PPM1D: variants seen among roughly 807,000 people sequenced by gnomAD.
PPM1D encodes the protein protein phosphatase, Mg2+/Mn2+ dependent 1D.
In PPM1D, 52 loss-of-function variants were observed where a neutral mutation model predicts 58.3. That is an observed-to-expected ratio of 0.89 (90% CI 0.71 to 1.12). PPM1D has a LOEUF of 1.12. Among genes scored for constraint, PPM1D ranks in the 50% most tolerant of loss-of-function variants. The pLI, the probability that PPM1D is intolerant of heterozygous loss-of-function variation, is 0.00. For missense variants in PPM1D, 564 were observed against 777.2 expected (o/e 0.73, Z 3.26); for synonymous variants, 278 against 285.1 (o/e 0.98, Z 0.25).
chr17:60,653,508 T>G (rs2031381792), intron 4 of PPM1D, among the ~76,000 whole-genome samples: 1 of 152,224 alleles, frequency 6.6e-6, no homozygotes, highest in African/African-American at 2.4e-5. Flanking sequence ...TAGAATTGCT[T>G]TGGCTATTCA....
chr17:60,620,642 T>C (rs1446334352), intron 1 of PPM1D, among the ~76,000 whole-genome samples: 9 of 152,030 alleles, frequency 5.9e-5, no homozygotes, highest in Non-Finnish European at 1.5e-5. Context: ...CCTCCTGAGC[T>C]GGGATTACAG....
chr17:60,647,490 A>G (rs1356461201), intron 3 of PPM1D, among the ~76,000 whole-genome samples: 1 of 152,152 alleles, frequency 6.6e-6, no homozygotes, highest in East Asian at 1.9e-4. Context: ...TATAAATGAA[A>G]TTATCTGCAA....
At chr17:60,650,752 G>A (rs1385357185) in intron 4 of PPM1D, among the ~76,000 whole-genome samples, 2 of 152,066 alleles carry the variant, frequency 1.3e-5, no homozygotes, top group African/African-American at 4.8e-5. Flanking sequence ...TTGAGTTGAG[G>A]TACCTGTGGT....
At chr17:60,657,496 T>C (rs1799850303) in intron 5 of PPM1D, among the ~76,000 whole-genome samples, 1 of 152,208 alleles carries the variant, frequency 6.6e-6, no homozygotes, top group South Asian at 2.1e-4. Flanking sequence ...ATACATAGCA[T>C]GGCTAACCTG....
Position 60,648,073 on chromosome 17 carries a change from A to G in PPM1D, c.1008A>G (p.Lys336=). 6.2e-7 allele frequency: 1 copy of G among 1,607,838 alleles called. No homozygotes were observed. Among genetic ancestry groups the G allele is most frequent in the Non-Finnish European group, 8.5e-7 (1 of 1,177,962 alleles). The stretch of plus-strand genomic sequence containing the variant: ...TGTGCCAGGACCAAGAGGAGAAAAA[A>G]TACCTGATGGTGAGATGTGATTGAA... The part of the protein sequence containing the change: ...ISMCQDQEEK[K]YLMGEHGQSC... The change falls in exon 4 of 6, where the codon AAA becomes AAG. Residue 336 remains lysine (K), a synonymous_variant. Coordinates refer to ENST00000305921, the MANE Select transcript of PPM1D (RefSeq NM_003620.4).
intron 1 of PPM1D, among the ~76,000 whole-genome samples, chr17:60,609,162 C>T (rs1176575979): frequency 6.6e-6 from 1 of 151,076 alleles, no homozygotes; most frequent in African/African-American, 2.4e-5. Flanking sequence ...GGCGTGATCT[C>T]GGCTCACCGC....
At chr17:60,625,137 A>G (rs1347623157) in intron 2 of PPM1D, among the ~76,000 whole-genome samples, 1 of 152,076 alleles carries the variant, frequency 6.6e-6, no homozygotes. Context: ...GCGAGACTCC[A>G]TCTCTTAAAA....
At chr17:60,632,516 A>G (rs1160269224) in intron 2 of PPM1D, among the ~76,000 whole-genome samples, 3 of 151,372 alleles carry the variant, frequency 2.0e-5, no homozygotes, top group East Asian at 2.0e-4. Flanking sequence ...GCAGTGAACC[A>G]TGAGTGCACC....
intron 1 of PPM1D, among the ~76,000 whole-genome samples, chr17:60,605,086 G>A (rs2030302368): frequency 6.6e-6 from 1 of 152,026 alleles, no homozygotes; most frequent in African/African-American, 2.4e-5. Flanking sequence ...CCTCCCACAG[G>A]CATGAGCCAC....
At chr17:60,626,149 T>G (rs1394657576) in intron 2 of PPM1D, among the ~76,000 whole-genome samples, 1 of 152,244 alleles carries the variant, frequency 6.6e-6, no homozygotes, top group Non-Finnish European at 1.5e-5. Context: ...ATGAAAAATC[T>G]GCACATATGT....
chr17:60,639,687 C>T (rs1238318563), intron 3 of PPM1D, among the ~76,000 whole-genome samples: 1 of 152,200 alleles, frequency 6.6e-6, no homozygotes, highest in Admixed American at 6.5e-5. Context: ...ATCCGCCTGC[C>T]TCGGGTTCCC....
intron 2 of PPM1D, among the ~76,000 whole-genome samples, chr17:60,626,630 A>G (rs1056877187): frequency 1.5e-4 from 23 of 151,974 alleles, no homozygotes; most frequent in African/African-American, 5.3e-4. Context: ...TCCTGACCTC[A>G]TGATCCACCC....
intron 1 of PPM1D, among the ~76,000 whole-genome samples, chr17:60,611,699 G>A (rs373410742): frequency 1.3e-5 from 2 of 152,186 alleles, no homozygotes; most frequent in Non-Finnish European, 2.9e-5. Flanking sequence ...GATTGTAGGT[G>A]TGAGCTGCCA....
chr17:60,663,665 T>C lies in PPM1D; in HGVS notation c.*113T>C, dbSNP rs2031572916. 1 of 1,177,316 alleles carries C rather than the reference T, an allele frequency of 8.5e-7. No homozygotes were observed. The highest frequency in any genetic ancestry group is 1.2e-6 in the Non-Finnish European group (1 of 860,966). The allele number at this position is 1,177,316 out of a possible 1,614,324, so 72.9% of individuals were successfully genotyped here. ...GAGAAAATTAAAAGAAATATACAGT[T>C]TGACTTTTTGGAATTCAGCAGTTTT... On this transcript the variant is annotated 3_prime_UTR_variant, in exon 6 of 6. Transcript: ENST00000305921.
At chr17:60,630,299 G>GT (rs2030894846) in intron 2 of PPM1D, among the ~76,000 whole-genome samples, 1 of 151,680 alleles carries the variant, frequency 6.6e-6, no homozygotes, top group Non-Finnish European at 1.5e-5. Context: ...TTTCTTGTTT[G>GT]TTTTTTTACT....
At chr17:60,645,221 G>A (rs1343431170) in intron 3 of PPM1D, among the ~76,000 whole-genome samples, 1 of 152,022 alleles carries the variant, frequency 6.6e-6, no homozygotes, top group East Asian at 1.9e-4. Flanking sequence ...AGATGTGGTG[G>A]CGGGCACCTG....
At chr17:60,616,415 C>T (rs1290173087) in intron 1 of PPM1D, among the ~76,000 whole-genome samples, 1 of 152,130 alleles carries the variant, frequency 6.6e-6, no homozygotes, top group East Asian at 1.9e-4. Context: ...CGAGACCAGC[C>T]TGGCGAACAT....
Position 60,633,735 on chromosome 17 carries a change from C to T in PPM1D, c.702-118C>T, listed in dbSNP as rs1010901832. ...CTTATGCATCTTTGTATTTGAAACA[C>T]ATAAGACATTATTTTGTAATAATGT... On this transcript the variant is annotated intron_variant, in intron 2 of 5. Coordinates refer to ENST00000305921, the MANE Select transcript of PPM1D (RefSeq NM_003620.4). 2.7e-6 allele frequency: 3 copies of T among 1,117,866 alleles called. No homozygotes were observed. The African/African-American group carries it at 4.8e-5, about 18-fold the overall frequency. The allele number at this position is 1,117,866 out of a possible 1,614,324, so 69.2% of individuals were successfully genotyped here.
intron 3 of PPM1D, among the ~76,000 whole-genome samples, chr17:60,642,163 G>A (rs556568071): frequency 1.2e-4 from 18 of 152,256 alleles, no homozygotes; most frequent in African/African-American, 4.1e-4. Flanking sequence ...TAAAACAAGG[G>A]AAAGTGTCTA....
Sources: allele counts gnomAD v4.1 joint callset (sites outside exome capture counted in the v4.1 genomes callset), GRCh38; gene constraint gnomAD v4.1.1; transcripts MANE v1.5; gene names NCBI Gene and HGNC (gene_info 2026-07-23, HGNC 2026-07-21).